Variants in GFRA1 observed in about 807,000 individuals in gnomAD.
GFRA1 encodes GDNF family receptor alpha-1.
A neutral mutation model predicts 51.6 loss-of-function variants in GFRA1; 16 were observed. The ratio of observed to expected loss-of-function variants is 0.31; its 90% confidence interval spans 0.21 to 0.47. GFRA1 has a LOEUF of 0.47. GFRA1 is among the 20% of genes least tolerant of loss of function. The pLI is 1.00. For missense variants in GFRA1, 530 were observed against 594.3 expected (o/e 0.89, Z 1.13); for synonymous variants, 270 against 241.3 (o/e 1.12, Z -1.10).
chr10:116,222,479 G>A (rs1389560681), intron 4 of GFRA1, among the ~76,000 whole-genome samples: 2 of 152,144 alleles, frequency 1.3e-5, no homozygotes, highest in African/African-American at 2.4e-5. Context: ...GATTACAGGC[G>A]TGAACCACCG....
At chr10:116,166,364 G>A (rs1250126416) in intron 5 of GFRA1, among the ~76,000 whole-genome samples, 2 of 152,098 alleles carry the variant, frequency 1.3e-5, no homozygotes, top group Non-Finnish European at 2.9e-5. Context: ...GTTCTTTGAG[G>A]AGTCACCGCA....
intron 4 of GFRA1, among the ~76,000 whole-genome samples, chr10:116,234,668 A>T (rs1966846316): frequency 6.6e-6 from 1 of 152,224 alleles, no homozygotes. Flanking sequence ...TGTACCACTC[A>T]GGGCTACTGG....
At chr10:116,080,730 T>G (rs188035114) in intron 9 of GFRA1, among the ~76,000 whole-genome samples, 1 of 152,154 alleles carries the variant, frequency 6.6e-6, no homozygotes, top group East Asian at 1.9e-4. Context: ...CAGGATTAGG[T>G]CAGGTTACCA....
intron 5 of GFRA1, among the ~76,000 whole-genome samples, chr10:116,175,105 C>T (rs568539506): frequency 7.3e-4 from 111 of 152,252 alleles, no homozygotes; most frequent in African/African-American, 2.6e-3. Flanking sequence ...CTGTTAGAAA[C>T]CCTGTACATG....
intron 6 of GFRA1, among the ~76,000 whole-genome samples, chr10:116,116,545 A>G (rs188817737): frequency 1.3e-5 from 2 of 152,200 alleles, no homozygotes; most frequent in Non-Finnish European, 2.9e-5. Context: ...CATGCCTGGG[A>G]GGGGGTGCAC....
At chr10:116,090,273 C>CCT in intron 8 of GFRA1, among the ~76,000 whole-genome samples, 1 of 151,986 alleles carries the variant, frequency 6.6e-6, no homozygotes, top group Admixed American at 6.6e-5. Flanking sequence ...TACTTGGGAT[C>CCT]ATAACTGTCC....
intron 9 of GFRA1, among the ~76,000 whole-genome samples, chr10:116,082,769 C>T (rs1345572185): frequency 6.6e-6 from 1 of 152,184 alleles, no homozygotes; most frequent in Non-Finnish European, 1.5e-5. Flanking sequence ...TGAGCCACCA[C>T]ACCCAGCCTC....
At chr10:116,228,405 G>A (rs1966452791) in intron 4 of GFRA1, among the ~76,000 whole-genome samples, 1 of 152,182 alleles carries the variant, frequency 6.6e-6, no homozygotes, top group South Asian at 2.1e-4. Context: ...TCTATTTCTG[G>A]CTATGGTGGG....
intron 3 of GFRA1, 52 bp downstream of exon 3, chr10:116,270,770 C>G: frequency 6.6e-7 from 1 of 1,512,478 alleles, no homozygotes; most frequent in Non-Finnish European, 9.1e-7. Flanking sequence ...ACGAAAGGCC[C>G]GCCTGCCTTC....
chr10:116,261,622 A>C (rs1969308738), intron 4 of GFRA1, among the ~76,000 whole-genome samples: 2 of 152,220 alleles, frequency 1.3e-5, no homozygotes, highest in Non-Finnish European at 2.9e-5. Flanking sequence ...TAAGGTATAC[A>C]TTGAATAAAT....
intron 9 of GFRA1, among the ~76,000 whole-genome samples, chr10:116,073,635 G>A (rs1955498594): frequency 6.6e-6 from 1 of 152,170 alleles, no homozygotes; most frequent in African/African-American, 2.4e-5. Flanking sequence ...TGAAACATTT[G>A]TTTTCTCAGA....
chr10:116,272,456 G>T lies in GFRA1; in HGVS notation c.-246-181C>A. 1 of 305,662 alleles carries T rather than the reference G, an allele frequency of 3.3e-6. No individual in the cohort carries two copies. The allele number at this position is 305,662 out of a possible 1,614,324, so 18.9% of individuals were successfully genotyped here. A position where few individuals can be genotyped will look rare whatever the true frequency, so the allele number is the denominator to read the frequency against. Reference sequence around the variant, plus strand: ...CAGGGGCCGCTGACACGGGGATGGAGGTGAGGGCTGGAGAGGTCTGAAGAG... The same window carrying T: ...CAGGGGCCGCTGACACGGGGATGGATGTGAGGGCTGGAGAGGTCTGAAGAG... On this transcript the variant is annotated intron_variant, in intron 1 of 10. Coordinates refer to ENST00000355422, the MANE Select transcript of GFRA1 (RefSeq NM_005264.8). The surrounding 1 kb of genome is among the most constrained non-coding windows in gnomAD (Gnocchi z 4.4).
intron 9 of GFRA1, among the ~76,000 whole-genome samples, chr10:116,068,905 G>A (rs1178855416): frequency 6.6e-6 from 1 of 152,114 alleles, no homozygotes; most frequent in Admixed American, 6.5e-5. Flanking sequence ...GGACGTCCCA[G>A]GAAAATTAGA....
intron 5 of GFRA1, among the ~76,000 whole-genome samples, chr10:116,149,561 AT>A (rs977815288): frequency 9.9e-5 from 15 of 152,178 alleles, no homozygotes; most frequent in African/African-American, 3.6e-4. Flanking sequence ...TATAAAACGT[AT>A]TCTCTCGTTG....
intron 4 of GFRA1, among the ~76,000 whole-genome samples, chr10:116,213,841 G>A (rs1965376098): frequency 6.6e-6 from 1 of 152,102 alleles, no homozygotes; most frequent in South Asian, 2.1e-4. Context: ...TTGTGGTGCA[G>A]GTAAAACAGA....
In GFRA1 at chr10:116,269,594, C is replaced by T; in HGVS notation, c.335-8G>A. 1 of 1,549,652 alleles carries T rather than the reference C, an allele frequency of 6.5e-7. No individual in the cohort carries two copies. The highest frequency in any genetic ancestry group is 1.4e-5 in the African/African-American group (1 of 73,786). On this transcript the variant is annotated splice_region_variant and splice_polypyrimidine_tract_variant and intron_variant, in intron 3 of 10. Coordinates refer to ENST00000355422, the MANE Select transcript of GFRA1 (RefSeq NM_005264.8). The stretch of plus-strand genomic sequence containing the variant: ...CCTCCAGCAGATCATTTCCTAAAAA[C>T]AACAGAAAGATTGGGCTCAGATCAG...
intron 5 of GFRA1, among the ~76,000 whole-genome samples, chr10:116,134,862 T>C (rs1165487964): frequency 2.6e-5 from 4 of 152,218 alleles, no homozygotes; most frequent in African/African-American, 9.6e-5. Context: ...CACCCTCTGC[T>C]GTGCAAACCT....
intron 7 of GFRA1, 130 bp downstream of exon 7, chr10:116,096,525 A>G (rs1382264762): frequency 2.9e-6 from 2 of 682,446 alleles, no homozygotes; most frequent in African/African-American, 1.8e-5. Context: ...TCAAGGATTT[A>G]ACATCCAAAC....
intron 5 of GFRA1, among the ~76,000 whole-genome samples, chr10:116,196,820 A>T (rs975000527): frequency 2.6e-5 from 3 of 115,356 alleles, no homozygotes. Flanking sequence ...TATAAATATA[A>T]AAATACTTAT....
Sources: gnomAD v4.1 joint callset for allele counts (sites outside exome capture counted in the v4.1 genomes callset) on GRCh38, gnomAD v4.1.1 for gene constraint, Gnocchi (gnomAD v3.1) non-coding constraint, MANE v1.5 for transcripts, NCBI Gene and HGNC (gene_info 2026-07-23, HGNC 2026-07-21) for gene names.